CSMD3: variants seen among roughly 807,000 people sequenced by gnomAD.
The protein encoded by CSMD3 is CUB and sushi domain-containing protein 3.
Under a neutral mutation model 435.2 loss-of-function variants are expected in CSMD3, and 177 were observed. The observed-to-expected ratio is 0.41, with a 90% CI of 0.36 to 0.46. The LOEUF is 0.46. Among genes scored for constraint, CSMD3 ranks in the 20% least tolerant of loss-of-function variants. The pLI, the probability that CSMD3 is intolerant of heterozygous loss-of-function variation, is 0.34. For synonymous variants in CSMD3, 1,656 were observed against 1,520.5 expected (o/e 1.09, Z -2.07); for missense variants, 4,265 against 4,504.6 (o/e 0.95, Z 1.52).
At chr8:112,272,494 A>G (rs549951092) in intron 59 of CSMD3, among the ~76,000 whole-genome samples, 1 of 152,284 alleles carries the variant, frequency 6.6e-6, no homozygotes, top group East Asian at 1.9e-4. Flanking sequence ...AAACATATTT[A>G]CACTTGAAAT....
At chr8:112,556,085 A>G (rs1409643274) in intron 25 of CSMD3, among the ~76,000 whole-genome samples, 1 of 151,914 alleles carries the variant, frequency 6.6e-6, no homozygotes, top group African/African-American at 2.4e-5. Context: ...TCTGACACCT[A>G]CTTGGTCTTT....
At chr8:112,957,537 T>C (rs1475139833) in intron 7 of CSMD3, among the ~76,000 whole-genome samples, 1 of 151,620 alleles carries the variant, frequency 6.6e-6, no homozygotes, top group African/African-American at 2.4e-5. Flanking sequence ...CACTGGAACC[T>C]CCGTCCCCCG....
intron 5 of CSMD3, among the ~76,000 whole-genome samples, chr8:113,053,125 T>A (rs889837123): frequency 6.6e-6 from 1 of 152,074 alleles, no homozygotes; most frequent in Non-Finnish European, 1.5e-5. Flanking sequence ...CCAACTCCAG[T>A]AACATAGGAT....
At chr8:112,862,351 T>A (rs2080850310) in intron 10 of CSMD3, among the ~76,000 whole-genome samples, 1 of 152,036 alleles carries the variant, frequency 6.6e-6, no homozygotes, top group Admixed American at 6.6e-5. Context: ...TTTGCATATA[T>A]CATGACGACT....
intron 24 of CSMD3, among the ~76,000 whole-genome samples, chr8:112,562,176 A>C (rs1204972391): frequency 2.0e-5 from 3 of 151,698 alleles, no homozygotes; most frequent in African/African-American, 7.2e-5. Context: ...TAAATAGTAA[A>C]ATTTTGACCT....
chr8:112,624,005 A>C (rs538880793), intron 22 of CSMD3, among the ~76,000 whole-genome samples: 1 of 152,222 alleles, frequency 6.6e-6, no homozygotes, highest in Admixed American at 6.6e-5. Flanking sequence ...AATATGAACA[A>C]CACTTATTCA....
intron 13 of CSMD3, among the ~76,000 whole-genome samples, chr8:112,718,930 A>G (rs2131958066): frequency 6.6e-6 from 1 of 152,290 alleles, no homozygotes; most frequent in South Asian, 2.1e-4. Context: ...GGTGGAGATT[A>G]GTATTGAGCT....
chr8:112,969,867 A>G (rs1331581351), intron 7 of CSMD3, among the ~76,000 whole-genome samples: 1 of 152,064 alleles, frequency 6.6e-6, no homozygotes, highest in African/African-American at 2.4e-5. Flanking sequence ...ACACATCTTA[A>G]TTATTATTTA....
chr8:113,243,843 T>C (rs1296480928), intron 3 of CSMD3, among the ~76,000 whole-genome samples: 1 of 152,152 alleles, frequency 6.6e-6, no homozygotes, highest in East Asian at 1.9e-4. Flanking sequence ...TTGATTTGTA[T>C]TTTCCCCATA....
chr8:113,201,467 A>G (rs1267637788), intron 3 of CSMD3, among the ~76,000 whole-genome samples: 1 of 151,974 alleles, frequency 6.6e-6, no homozygotes, highest in Non-Finnish European at 1.5e-5. Flanking sequence ...TTAAAACTTG[A>G]GTTAAAGAAT....
At chr8:113,207,546 C>T (rs149039815) in intron 3 of CSMD3, among the ~76,000 whole-genome samples, 1 of 151,998 alleles carries the variant, frequency 6.6e-6, no homozygotes, top group East Asian at 1.9e-4. Context: ...CCACATCAGG[C>T]TAATTTTTGT....
At chr8:113,090,482 T>C (rs1263169415) in intron 5 of CSMD3, among the ~76,000 whole-genome samples, 1 of 152,190 alleles carries the variant, frequency 6.6e-6, no homozygotes, top group Non-Finnish European at 1.5e-5. Flanking sequence ...TAGAAAATTG[T>C]AGGTTCTCTG....
At chr8:113,252,460 T>C (rs945796057) in intron 3 of CSMD3, among the ~76,000 whole-genome samples, 1 of 151,634 alleles carries the variant, frequency 6.6e-6, no homozygotes, top group Non-Finnish European at 1.5e-5. Flanking sequence ...TTTTATGTAT[T>C]TTTTTTTACC....
At chr8:113,250,427 A>C (rs1463931910) in intron 3 of CSMD3, among the ~76,000 whole-genome samples, 1 of 152,132 alleles carries the variant, frequency 6.6e-6, no homozygotes, top group Non-Finnish European at 1.5e-5. Context: ...ATAATTTCAC[A>C]CTAAGCAGAC....
chr8:112,288,550 G>A (rs1188035763), intron 57 of CSMD3, among the ~76,000 whole-genome samples: 2 of 151,884 alleles, frequency 1.3e-5, no homozygotes, highest in East Asian at 3.9e-4. Flanking sequence ...TAAGTCATCA[G>A]AATGGTATCC....
rs1264427816 is a variant in CSMD3, at chr8:112,341,481, G to T, written c.6648C>A (p.Tyr2216Ter). Residue 2216 changes from tyrosine (Y) to a stop codon, truncating the protein, a stop_gained, in exon 42 of 71, where the codon TAC becomes TAA. Coordinates refer to ENST00000297405, the MANE Select transcript of CSMD3 (RefSeq NM_198123.2). LOFTEE classifies it high-confidence loss of function. ...SQNKQGFHIV[Y>*]QAYQLQSCPD... ...ATTTTTTATTATTTCTCTTACCTTG[G>T]TATACAATATGAAACCCTTGTTTGT... 1 of 1,586,546 alleles carries T rather than the reference G, an allele frequency of 6.3e-7. No homozygotes were observed. Among genetic ancestry groups the T allele is most frequent in the Non-Finnish European group, 8.7e-7 (1 of 1,155,492 alleles).
chr8:112,427,023 T>A (rs1399338042), intron 32 of CSMD3, among the ~76,000 whole-genome samples: 1 of 152,186 alleles, frequency 6.6e-6, no homozygotes, highest in African/African-American at 2.4e-5. Flanking sequence ...CAAATATCAA[T>A]CATATCTGAC....
chr8:112,846,251 G>T (rs760794896), intron 11 of CSMD3, among the ~76,000 whole-genome samples: 1 of 150,744 alleles, frequency 6.6e-6, no homozygotes, highest in Non-Finnish European at 1.5e-5. Flanking sequence ...TGTTAAAAAA[G>T]AAATATTCTT....
intron 3 of CSMD3, among the ~76,000 whole-genome samples, chr8:113,190,615 CAT>C (rs2092570442): frequency 6.6e-6 from 1 of 151,634 alleles, no homozygotes; most frequent in Non-Finnish European, 1.5e-5. Flanking sequence ...CCTCTTAAAA[CAT>C]ATGTCTATGA....
Sources: gnomAD v4.1 joint callset for allele counts (sites outside exome capture counted in the v4.1 genomes callset) on GRCh38, gnomAD v4.1.1 for gene constraint, MANE v1.5 for transcripts, NCBI Gene and HGNC (gene_info 2026-07-23, HGNC 2026-07-21) for gene names.